The following GFRA1 variants were observed in gnomAD, a reference collection of about 807,000 sequenced individuals.
The protein encoded by GFRA1 is GDNF family receptor alpha-1.
Under a neutral mutation model 51.6 loss-of-function variants are expected in GFRA1, and 16 were observed. The ratio of observed to expected loss-of-function variants is 0.31; its 90% CI spans 0.21 to 0.47. GFRA1 has a LOEUF of 0.47. GFRA1 is among the 20% of genes least tolerant of loss of function. The pLI, the probability that GFRA1 is intolerant of heterozygous loss-of-function variation, is 1.00. For missense variants in GFRA1, 530 were observed against 594.3 expected, an observed-to-expected ratio of 0.89 and a Z score of 1.13; for synonymous variants, 270 against 241.3, an observed-to-expected ratio of 1.12 and a Z score of -1.10.
rs1016576923 is a variant in GFRA1, at chr10:116,061,114, T to A, written c.*3284A>T. On this transcript the variant is annotated 3_prime_UTR_variant, in exon 11 of 11. Coordinates refer to ENST00000355422, the MANE Select transcript of GFRA1 (RefSeq NM_005264.8). ...CTAGAAGCGGCCCATCCTCAGAGTG[T>A]ATGCAAGACAGGAAGTGTCTGAATA... 1 of 151,988 alleles carries A rather than the reference T, an allele frequency of 6.6e-6. No individual in the cohort carries two copies. The highest frequency in any genetic ancestry group is 1.5e-5 in the Non-Finnish European group (1 of 68,034). 9.4% of individuals were successfully genotyped at this position (151,988 alleles called of 1,614,324 possible). A position where few individuals can be genotyped will look rare whatever the true frequency, so the allele number is the denominator to read the frequency against.
intron 4 of GFRA1, among the ~76,000 whole-genome samples, chr10:116,258,503 A>T (rs1274116757): frequency 1.3e-5 from 2 of 149,736 alleles, no homozygotes; most frequent in East Asian, 3.9e-4. Context: ...TATATATATT[A>T]TATGCATCAT....
chr10:116,257,445 C>T (rs1968959329), intron 4 of GFRA1, among the ~76,000 whole-genome samples: 1 of 152,142 alleles, frequency 6.6e-6, no homozygotes, highest in African/African-American at 2.4e-5. Context: ...CATGCTTTCT[C>T]CTCAAGAAGG....
chr10:116,244,853 A>G (rs1022345958), intron 4 of GFRA1, among the ~76,000 whole-genome samples: 3 of 152,204 alleles, frequency 2.0e-5, no homozygotes, highest in African/African-American at 7.2e-5. Flanking sequence ...CACATAGGAA[A>G]AATAAAATCA....
intron 5 of GFRA1, among the ~76,000 whole-genome samples, chr10:116,148,652 T>C (rs909201444): frequency 9.9e-5 from 15 of 152,200 alleles, no homozygotes; most frequent in Admixed American, 6.5e-4. Context: ...CAAAAGATTG[T>C]TCCAGAATGA....
Position 116,059,726 on chromosome 10 carries a change from A to G in GFRA1, c.*4672T>C, listed in dbSNP as rs1954711658. 2 of 152,236 alleles carry G rather than the reference A, an allele frequency of 1.3e-5. No homozygotes were observed. Among genetic ancestry groups the G allele is most frequent in the African/African-American group, 4.8e-5 (2 of 41,456 alleles). 9.4% of individuals were successfully genotyped at this position (152,236 alleles called of 1,614,324 possible). On this transcript the variant is annotated 3_prime_UTR_variant, in exon 11 of 11. Coordinates refer to ENST00000355422, the MANE Select transcript of GFRA1 (RefSeq NM_005264.8). ...CTCTGGGAGGGAGGAGAAGCTCATC[A>G]GAGACACTGGGAGCAACAAAGGGAT...
intron 4 of GFRA1, among the ~76,000 whole-genome samples, chr10:116,232,549 C>T (rs1315116407): frequency 6.6e-6 from 1 of 151,590 alleles, no homozygotes; most frequent in Non-Finnish European, 1.5e-5. Flanking sequence ...TGATAAAGGG[C>T]TTGTCTAATT....
intron 4 of GFRA1, among the ~76,000 whole-genome samples, chr10:116,257,530 T>C (rs1968965475): frequency 1.3e-5 from 2 of 152,314 alleles, no homozygotes; most frequent in African/African-American, 4.8e-5. Flanking sequence ...CTGAGGCTAA[T>C]AGCACAGTGC....
chr10:116,186,570 TAAAA>T (rs386372545), intron 5 of GFRA1, among the ~76,000 whole-genome samples: 28 of 129,168 alleles, frequency 2.2e-4, no homozygotes, highest in Non-Finnish European at 2.8e-4. Context: ...GAAAGGCTCT[TAAAA>T]AAAAAAAAAA....
At chr10:116,165,250 G>A (rs972519763) in intron 5 of GFRA1, among the ~76,000 whole-genome samples, 1 of 152,118 alleles carries the variant, frequency 6.6e-6, no homozygotes, top group African/African-American at 2.4e-5. Flanking sequence ...GCAGACACAT[G>A]GAGATGGTGT....
At chr10:116,208,954 A>C (rs1197049163) in intron 5 of GFRA1, among the ~76,000 whole-genome samples, 2 of 152,192 alleles carry the variant, frequency 1.3e-5, no homozygotes, top group Non-Finnish European at 2.9e-5. Context: ...AGAGCTACCC[A>C]ATGTCTCTGT....
chr10:116,256,112 A>G, intron 4 of GFRA1, among the ~76,000 whole-genome samples: 1 of 152,144 alleles, frequency 6.6e-6, no homozygotes, highest in South Asian at 2.1e-4. Flanking sequence ...TGTTACTTGT[A>G]GCAACCTTAT....
chr10:116,084,374 C>G (rs1227240915), intron 9 of GFRA1, among the ~76,000 whole-genome samples: 1 of 152,222 alleles, frequency 6.6e-6, no homozygotes, highest in Non-Finnish European at 1.5e-5. Context: ...CTCCATGTCT[C>G]ACCCACAGAT....
At chr10:116,184,982 CT>C (rs1260746032) in intron 5 of GFRA1, among the ~76,000 whole-genome samples, 3 of 152,136 alleles carry the variant, frequency 2.0e-5, no homozygotes, top group Non-Finnish European at 2.9e-5. Flanking sequence ...AAAATACAAG[CT>C]TTTTTGTGTG....
intron 5 of GFRA1, among the ~76,000 whole-genome samples, chr10:116,146,099 T>A (rs964242680): frequency 6.6e-6 from 1 of 152,028 alleles, no homozygotes; most frequent in African/African-American, 2.4e-5. Context: ...TATACACATA[T>A]GTGAGTATAT....
intron 3 of GFRA1, 126 bp downstream of exon 3, chr10:116,270,696 A>C: frequency 2.6e-6 from 2 of 764,794 alleles, no homozygotes; most frequent in Non-Finnish European, 4.3e-6. Flanking sequence ...CTGGGGGCCA[A>C]GGAAAGGTCC....
chr10:116,100,656 T>C (rs1956783227), intron 6 of GFRA1, among the ~76,000 whole-genome samples: 1 of 152,140 alleles, frequency 6.6e-6, no homozygotes, highest in Non-Finnish European at 1.5e-5. Context: ...CAGATTTGCA[T>C]ATTAGGAAGA....
At chr10:116,211,931 T>A (rs868385819) in intron 4 of GFRA1, among the ~76,000 whole-genome samples, 1 of 152,280 alleles carries the variant, frequency 6.6e-6, no homozygotes, top group East Asian at 1.9e-4. Context: ...AATGATGTCA[T>A]ACATTTTAAG....
Position 116,272,194 on chromosome 10 carries a change from A to G in GFRA1, c.-165T>C. 1 of 684,304 alleles carries G rather than the reference A, an allele frequency of 1.5e-6. No homozygotes were observed. Among genetic ancestry groups the G allele is most frequent in the Non-Finnish European group, 2.5e-6 (1 of 393,306 alleles). 42.4% of individuals were successfully genotyped at this position (684,304 alleles called of 1,614,324 possible). ...AAGAGGAAACTCCGGGTCTGGCAGC[A>G]GCCACCGCCGCCGGCGACTCAGCTC... On this transcript the variant is annotated 5_prime_UTR_variant, in exon 2 of 11. Transcript: ENST00000355422. This position sits in a 1 kb window ranked among gnomAD's most constrained non-coding sequence, Gnocchi z 4.4.
chr10:116,117,815 TG>T lies in GFRA1; in HGVS notation c.770+7405del, dbSNP rs553455161. On this transcript the variant is annotated intron_variant, in intron 6 of 10. Coordinates refer to ENST00000355422, the MANE Select transcript of GFRA1 (RefSeq NM_005264.8). ...AACAGATGGACGGATATACTTCCTA[TG>T]TACTAAATTGTGTCCCTCTGAGTTC... 1.2e-3 allele frequency among the ~76,000 whole-genome samples: 186 copies of T among 152,274 alleles called. 3 individuals are homozygous for T. The South Asian group carries it at 0.017, about 14-fold the overall frequency.
Sources: allele counts gnomAD v4.1 joint callset (sites outside exome capture counted in the v4.1 genomes callset), GRCh38; gene constraint gnomAD v4.1.1; non-coding constraint Gnocchi (gnomAD v3.1); transcripts MANE v1.5; gene names NCBI Gene and HGNC (gene_info 2026-07-23, HGNC 2026-07-21).